The following RRAD variants were observed in gnomAD, a reference collection of about 807,000 sequenced individuals.
The protein encoded by RRAD is RRAD, Ras related glycolysis inhibitor and calcium channel regulator.
Under a neutral mutation model 24.7 loss-of-function variants are expected in RRAD, and 15 were observed. The observed-to-expected ratio is 0.61, with a 90% CI of 0.41 to 0.93. The LOEUF (loss-of-function observed/expected upper bound fraction) is 0.93, where lower values mean the gene tolerates loss of function less well. Among genes scored for constraint, RRAD ranks in the 40% least tolerant of loss-of-function variants. The probability of loss-of-function intolerance (pLI) is 0.00; values close to 1 mark genes in which losing one functional copy is unlikely to be tolerated. For missense variants in RRAD, 438 were observed against 452.2 expected (o/e 0.97, Z 0.29); for synonymous variants, 180 against 189.8 (o/e 0.95, Z 0.43).
rs1270272665 is a variant in RRAD, at chr16:66,922,285, C to T, written c.718G>A (p.Val240Ile). Residue 240 changes from valine to isoleucine, a missense_variant, in exon 5 of 5, where the codon GTC becomes ATC. Physicochemically the swap from Val to Ile is conservative, Grantham distance 29. Coordinates refer to ENST00000299759, the MANE Select transcript of RRAD (RefSeq NM_004165.3). ...ACGACACCTTCAAACAGCGCCTGGA[C>T]ATTGTGGTGCAATGCCGCTGATGTC... ...IETSAALHHN[V>I]QALFEGVVRQ... 2 of 1,612,934 alleles carry T rather than the reference C, an allele frequency of 1.2e-6. No individual in the cohort carries two copies. Among genetic ancestry groups the T allele is most frequent in the Non-Finnish European group, 8.5e-7 (1 of 1,179,168 alleles).
rs1056951295 is a variant in RRAD, at chr16:66,924,115, C to A, written c.371-196G>T. On this transcript the variant is annotated intron_variant, in intron 2 of 4. Coordinates refer to ENST00000299759, the MANE Select transcript of RRAD (RefSeq NM_004165.3). This position sits in a 1 kb window ranked among gnomAD's most constrained non-coding sequence, Gnocchi z 4.2. The stretch of plus-strand genomic sequence containing the variant: ...TGGAGGGCATGGTGTGCCTGACCTC[C>A]ACCCACATGCCCCCCCTGGGGACCT... 6.6e-6 allele frequency among the ~76,000 whole-genome samples: 1 copy of A among 152,140 alleles called. No individual in the cohort carries two copies. The highest frequency in any genetic ancestry group is 2.4e-5 in the African/African-American group (1 of 41,430).
At position 66,924,363 on chromosome 16, in the gene RRAD, G is replaced by A. The variant is rs926070650; in HGVS notation, c.371-444C>T. On this transcript the variant is annotated intron_variant, in intron 2 of 4. Transcript: ENST00000299759. This position sits in a 1 kb window ranked among gnomAD's most constrained non-coding sequence, Gnocchi z 4.2. ...TAGGTAGAGGCATGATTCTGAAAGCGCCAATAGAATTCCACAGTATTGGCC... is the reference window on the plus strand; with the variant it reads ...TAGGTAGAGGCATGATTCTGAAAGCACCAATAGAATTCCACAGTATTGGCC... 2.6e-5 allele frequency among the ~76,000 whole-genome samples: 4 copies of A among 151,992 alleles called. No homozygotes were observed. Among genetic ancestry groups the A allele is most frequent in the African/African-American group, 7.2e-5 (3 of 41,414 alleles).
chr16:66,924,888 CCAG>C lies in RRAD; in HGVS notation c.289_291del (p.Leu97del), dbSNP rs1295892451. On this transcript the variant is annotated inframe_deletion, in exon 2 of 5. Transcript: ENST00000299759. This position sits in a 1 kb window ranked among gnomAD's most constrained non-coding sequence, Gnocchi z 4.2. Reference sequence around the variant, plus strand: ...GCGCTCTTGCCCACGCCGGGCGCCCCCAGCAGCAGCACCTTGTAAACGCTCTCG... The same window carrying C: ...GCGCTCTTGCCCACGCCGGGCGCCCCCAGCAGCACCTTGTAAACGCTCTCG... The C allele has an allele frequency of 1.3e-6, 2 of 1,585,856 alleles. No homozygotes were observed. Among genetic ancestry groups the C allele is most frequent in the Non-Finnish European group, 8.5e-7 (1 of 1,170,924 alleles).
In RRAD at chr16:66,924,952, G is replaced by A. The variant is rs1962973722; in HGVS notation, c.228C>T (p.Ser76=). Residue 76 remains serine, a synonymous_variant, in exon 2 of 5, where the codon TCC becomes TCT. Coordinates refer to ENST00000299759, the MANE Select transcript of RRAD (RefSeq NM_004165.3). This position sits in a 1 kb window ranked among gnomAD's most constrained non-coding sequence, Gnocchi z 4.2. ...QGPRLDWPED[S]EDSLSSGGSD... is the part of the protein sequence containing the mutation. ...TGCCCCCTGAGCTGAGCGAGTCCTC[G>A]GAGTCCTCGGGCCAGTCCAGCCTGG... The A allele has an allele frequency of 1.3e-6, 2 of 1,542,138 alleles. No individual in the cohort carries two copies. Among genetic ancestry groups the A allele is most frequent in the Non-Finnish European group, 8.7e-7 (1 of 1,149,566 alleles).
In RRAD at chr16:66,924,699, T is replaced by TAATA. The variant is rs111919092; in HGVS notation, c.370+110_370+111insTATT. The TAATA allele has an allele frequency of 1.5e-6, 1 of 659,190 alleles. No individual in the cohort carries two copies. The highest frequency in any genetic ancestry group is 4.6e-5 in the Admixed American group (1 of 21,928). 40.8% of individuals were successfully genotyped at this position (659,190 alleles called of 1,614,324 possible). ...AATAAAATAATAATAATAATAATAA[T>TAATA]AACAACAACAACAACTATAATTCCA... On this transcript the variant is annotated intron_variant, in intron 2 of 4. Coordinates refer to ENST00000299759, the MANE Select transcript of RRAD (RefSeq NM_004165.3). The surrounding 1 kb of genome is among the most constrained non-coding windows in gnomAD (Gnocchi z 4.2).
chr16:66,923,607 C>T lies in RRAD; in HGVS notation c.558G>A (p.Gln186=), dbSNP rs372497117. Residue 186 remains glutamine, a synonymous_variant, in exon 4 of 5, where the codon CAG becomes CAA. Transcript: ENST00000299759. The surrounding 1 kb of genome is among the most constrained non-coding windows in gnomAD (Gnocchi z 4.9). ...SFEKASELRV[Q]LRRARQTDDV... The stretch of plus-strand genomic sequence containing the variant: ...CATCTGTTTGCCGTGCACGCCGCAG[C>T]TGGACCCGCAGTTCTGAGGCCTTCT... The T allele has an allele frequency of 2.6e-5, 42 of 1,614,000 alleles. 1 individual carries two copies. Among genetic ancestry groups the T allele is most frequent in the Middle Eastern group, 1.6e-4 (1 of 6,062 alleles).
rs199794247 is a variant in RRAD, at chr16:66,922,137, T to C, written c.866A>G (p.Asn289Ser). The C allele has an allele frequency of 1.2e-6, 2 of 1,613,480 alleles. No individual in the cohort carries two copies. The highest frequency in any genetic ancestry group is 1.7e-5 in the Admixed American group (1 of 60,016). Residue 289 changes from asparagine to serine, a missense_variant, in exon 5 of 5, where the codon AAC becomes AGC. Asn to Ser is a conservative substitution (Grantham distance 46). Transcript: ENST00000299759. The part of the protein sequence containing the change: ...KRFLGRIVAR[N>S]SRKMAFRAKS... ...GGCGCGAAAGGCCATCTTGCGGCTG[T>C]TACGAGCTACGATGCGGCCCAAGAA... is the stretch of plus-strand genomic sequence containing the variant.
In RRAD at chr16:66,923,261, A is replaced by C. The variant is rs529543736; in HGVS notation, c.649+255T>G. 2.2e-4 allele frequency among the ~76,000 whole-genome samples: 33 copies of C among 152,208 alleles called. No individual in the cohort carries two copies. Among genetic ancestry groups the C allele is most frequent in the Non-Finnish European group, 4.0e-4 (27 of 68,006 alleles). On this transcript the variant is annotated intron_variant, in intron 4 of 4. Coordinates refer to ENST00000299759, the MANE Select transcript of RRAD (RefSeq NM_004165.3). The surrounding 1 kb of genome is among the most constrained non-coding windows in gnomAD (Gnocchi z 4.9). ...ATTTACCCCCCCAACCAGCCAGGCC[A>C]GGACCAAGAGGGGCAGGAGAGGAGG...
At position 66,925,137 on chromosome 16, in the gene RRAD, C is replaced by T; in HGVS notation, c.43G>A (p.Gly15Ser). The stretch of plus-strand genomic sequence containing the variant: ...CGGCGCTCGCGCTCCTGGCCCCCAC[C>T]GCGGCTCCCGCCCGCTCCGCTGCCG... ...GGGSGAGGSR[G>S]GGQERERRRG... Residue 15 changes from glycine (G) to serine (S), a missense_variant, in exon 2 of 5, where the codon GGT becomes AGT. Gly to Ser is a moderately conservative substitution (Grantham distance 56). Coordinates refer to ENST00000299759, the MANE Select transcript of RRAD (RefSeq NM_004165.3). This position sits in a 1 kb window ranked among gnomAD's most constrained non-coding sequence, Gnocchi z 5.2. 8.2e-7 allele frequency: 1 copy of T among 1,226,562 alleles called. No individual in the cohort carries two copies. The highest frequency in any genetic ancestry group is 1.0e-6 in the Non-Finnish European group (1 of 985,086). 76.0% of individuals were successfully genotyped at this position (1,226,562 alleles called of 1,614,324 possible).
In RRAD at chr16:66,924,676, TAAA is replaced by T; in HGVS notation, c.370+131_370+133del. 1.4e-6 allele frequency: 1 copy of T among 697,750 alleles called. No homozygotes were observed. The highest frequency in any genetic ancestry group is 1.9e-6 in the Non-Finnish European group (1 of 526,970). 43.2% of individuals were successfully genotyped at this position (697,750 alleles called of 1,614,324 possible). A position where few individuals can be genotyped will look rare whatever the true frequency, so the allele number is the denominator to read the frequency against. ...GCGAAACTCTGTCTCAAAATAATAA[TAAA>T]ATAATAATAATAATAATAATAACAA... On this transcript the variant is annotated intron_variant, in intron 2 of 4. Transcript: ENST00000299759. This position sits in a 1 kb window ranked among gnomAD's most constrained non-coding sequence, Gnocchi z 4.2.
chr16:66,924,001 C>T lies in RRAD; in HGVS notation c.371-82G>A. 1 of 1,076,904 alleles carries T rather than the reference C, an allele frequency of 9.3e-7. No homozygotes were observed. 66.7% of individuals were successfully genotyped at this position (1,076,904 alleles called of 1,614,324 possible). A position where few individuals can be genotyped will look rare whatever the true frequency, so the allele number is the denominator to read the frequency against. On this transcript the variant is annotated intron_variant, in intron 2 of 4. Coordinates refer to ENST00000299759, the MANE Select transcript of RRAD (RefSeq NM_004165.3). The surrounding 1 kb of genome is among the most constrained non-coding windows in gnomAD (Gnocchi z 4.2). ...GGTTTCCTGTTCTGGCCACACCCTC[C>T]AACTCTTCCCCAGAGCCCTCCTTAC... is the stretch of plus-strand genomic sequence containing the variant.
In RRAD at chr16:66,922,056, A is replaced by C; in HGVS notation, c.*20T>G. 6.3e-7 allele frequency: 1 copy of C among 1,591,356 alleles called. No homozygotes were observed. The highest frequency in any genetic ancestry group is 8.6e-7 in the Non-Finnish European group (1 of 1,161,836). On this transcript the variant is annotated 3_prime_UTR_variant, in exon 5 of 5. Coordinates refer to ENST00000299759, the MANE Select transcript of RRAD (RefSeq NM_004165.3). ...CCAACCCTTCCGTTCGTCTCCCACC[A>C]TAGTGGGAGCGGGTGGGACCTAGAG...
In RRAD at chr16:66,925,281, A is replaced by G; in HGVS notation, c.-15-87T>C. 4 of 1,127,246 alleles carry G rather than the reference A, an allele frequency of 3.5e-6. No individual in the cohort carries two copies. The highest frequency in any genetic ancestry group is 7.0e-4 in the Middle Eastern group (2 of 2,842). The allele number at this position is 1,127,246 out of a possible 1,614,324, so 69.8% of individuals were successfully genotyped here. ...CCTGCCCAACCCGGAGTCAGGCGGG[A>G]TGCTCCGGCCGAGGTCCCGCCGCAG... On this transcript the variant is annotated intron_variant, in intron 1 of 4. Coordinates refer to ENST00000299759, the MANE Select transcript of RRAD (RefSeq NM_004165.3). This position sits in a 1 kb window ranked among gnomAD's most constrained non-coding sequence, Gnocchi z 5.2.
Position 66,923,372 on chromosome 16 carries a change from C to T in RRAD, c.649+144G>A. The T allele has an allele frequency of 1.4e-6, 1 of 707,502 alleles. No homozygotes were observed. Among genetic ancestry groups the T allele is most frequent in the South Asian group, 1.8e-5 (1 of 55,670 alleles). The allele number at this position is 707,502 out of a possible 1,614,324, so 43.8% of individuals were successfully genotyped here. On this transcript the variant is annotated intron_variant, in intron 4 of 4. Coordinates refer to ENST00000299759, the MANE Select transcript of RRAD (RefSeq NM_004165.3). The surrounding 1 kb of genome is among the most constrained non-coding windows in gnomAD (Gnocchi z 4.9). ...CCGGAGCCCTGTGAGCAGGCACCAG[C>T]TCTCTCCCATTTCCCTCCCCGCCAG...
Position 66,924,665 on chromosome 16 carries a change from CAAAATAATAAT to C in RRAD, c.370+134_370+144del, listed in dbSNP as rs1490703005. ...TGGGAAAAAGAGCGAAACTCTGTCT[CAAAATAATAAT>C]AAAATAATAATAATAATAATAATAA... On this transcript the variant is annotated intron_variant, in intron 2 of 4. Transcript: ENST00000299759. The surrounding 1 kb of genome is among the most constrained non-coding windows in gnomAD (Gnocchi z 4.2). 2.8e-5 allele frequency: 18 copies of C among 640,954 alleles called. No individual in the cohort carries two copies. Among genetic ancestry groups the C allele is most frequent in the Non-Finnish European group, 1.2e-5 (6 of 481,268 alleles). 39.7% of individuals were successfully genotyped at this position (640,954 alleles called of 1,614,324 possible).
rs1015761143 is a variant in RRAD, at chr16:66,924,224, C to T, written c.371-305G>A. 6.6e-5 allele frequency among the ~76,000 whole-genome samples: 10 copies of T among 152,202 alleles called. No individual in the cohort carries two copies. Among genetic ancestry groups the T allele is most frequent in the Admixed American group, 5.9e-4 (9 of 15,284 alleles). ...TGATAGGCAGGGAGGGATGTCCAGT[C>T]CCATCCCACAGAGTAGCCATATCTA... is the stretch of plus-strand genomic sequence containing the variant. On this transcript the variant is annotated intron_variant, in intron 2 of 4. Coordinates refer to ENST00000299759, the MANE Select transcript of RRAD (RefSeq NM_004165.3). This position sits in a 1 kb window ranked among gnomAD's most constrained non-coding sequence, Gnocchi z 4.2.
At position 66,922,305 on chromosome 16, in the gene RRAD, G is replaced by C; in HGVS notation, c.698C>G (p.Ser233Ter). Residue 233 changes from serine (S) to a stop codon, truncating the protein, a stop_gained, in exon 5 of 5, where the codon TCA becomes TGA. Coordinates refer to ENST00000299759, the MANE Select transcript of RRAD (RefSeq NM_004165.3). LOFTEE classifies it high-confidence loss of function. ...CTGGACATTGTGGTGCAATGCCGCT[G>C]ATGTCTCAATGAACTTGCAGTCAAA... ...VVFDCKFIET[S>*]AALHHNVQAL... 6.2e-7 allele frequency: 1 copy of C among 1,609,326 alleles called. No individual in the cohort carries two copies. The highest frequency in any genetic ancestry group is 8.5e-7 in the Non-Finnish European group (1 of 1,176,684).
In RRAD at chr16:66,922,206, G is replaced by A. The variant is rs1435130522; in HGVS notation, c.797C>T (p.Ala266Val). ...AAGGCTCTCTCGCCTCCGGGTGCCTGCTTGCCGTCGTGCGTTGGCTTCTTT... is the reference window on the plus strand; with the variant it reads ...AAGGCTCTCTCGCCTCCGGGTGCCTACTTGCCGTCGTGCGTTGGCTTCTTT... ...DSKEANARRQ[A>V]GTRRRESLGK... Residue 266 changes from alanine (A) to valine (V), a missense_variant, in exon 5 of 5, where the codon GCA becomes GTA. Physicochemically the swap from Ala to Val is moderately conservative, Grantham distance 64. Coordinates refer to ENST00000299759, the MANE Select transcript of RRAD (RefSeq NM_004165.3). 3 of 1,614,216 alleles carry A rather than the reference G, an allele frequency of 1.9e-6. No individual in the cohort carries two copies. The South Asian group carries it at 3.3e-5, about 18-fold the overall frequency.
Position 66,923,676 on chromosome 16 carries a change from A to G in RRAD, c.489T>C (p.Asp163=). 1.2e-6 allele frequency: 2 copies of G among 1,614,150 alleles called. No individual in the cohort carries two copies. The highest frequency in any genetic ancestry group is 2.2e-5 in the South Asian group (2 of 91,080). The change falls in exon 4 of 5, where the codon GAT becomes GAC. Residue 163 remains aspartate (D), a synonymous_variant. Transcript: ENST00000299759. The surrounding 1 kb of genome is among the most constrained non-coding windows in gnomAD (Gnocchi z 4.9). The part of the protein sequence containing the change: ...WLPGHCMAMG[D]AYVIVYSVTD... ...TCACTGAGTACACAATGACATAGGC[A>G]TCCCCCATGGCCATGCAGTGGCCGG...
Sources: allele counts gnomAD v4.1 joint callset (sites outside exome capture counted in the v4.1 genomes callset), GRCh38; gene constraint gnomAD v4.1.1; non-coding constraint Gnocchi (gnomAD v3.1); transcripts MANE v1.5; gene names NCBI Gene and HGNC (gene_info 2026-07-23, HGNC 2026-07-21).